WNT3A: variants seen among roughly 807,000 people sequenced by gnomAD.
The protein encoded by WNT3A is protein Wnt-3a.
A neutral mutation model predicts 37.0 loss-of-function variants in WNT3A; 17 were observed. The observed-to-expected ratio is 0.46, with a 90% CI of 0.31 to 0.69. The LOEUF (loss-of-function observed/expected upper bound fraction) is 0.69, where lower values mean the gene tolerates loss of function less well. Ranked by LOEUF, WNT3A falls within the 30% of genes least tolerant of loss-of-function variation. The pLI, the probability that WNT3A is intolerant of heterozygous loss-of-function variation, is 0.05. For synonymous variants in WNT3A, 187 were observed against 211.0 expected, an observed-to-expected ratio of 0.89 and a Z score of 0.99; for missense variants, 411 against 510.2, an observed-to-expected ratio of 0.81 and a Z score of 1.87.
intron 2 of WNT3A, among the ~76,000 whole-genome samples, chr1:228,047,819 C>T (rs889020886): frequency 3.9e-5 from 6 of 151,966 alleles, no homozygotes; most frequent in Non-Finnish European, 5.9e-5. Context: ...GAAGAGGTGC[C>T]ACACACTTTT....
intron 2 of WNT3A, among the ~76,000 whole-genome samples, chr1:228,049,431 C>A (rs1302258780): frequency 1.3e-5 from 2 of 152,236 alleles, no homozygotes; most frequent in Admixed American, 1.3e-4. Context: ...TGCTTTTTAA[C>A]CATCCCTGTT....
chr1:228,038,652 G>T lies in WNT3A; in HGVS notation c.314-12004G>T, dbSNP rs1386366955. On this transcript the variant is annotated intron_variant, in intron 2 of 3. Coordinates refer to ENST00000284523, the MANE Select transcript of WNT3A (RefSeq NM_033131.4). The surrounding 1 kb of genome is among the most constrained non-coding windows in gnomAD (Gnocchi z 5.7). ...GGAGGGAGGGACCCAATGCATTCGG[G>T]GTGGCCACTGTCCCCACAACTCTAT... Among the ~76,000 whole-genome samples, 1 of 152,180 alleles carries T rather than the reference G, an allele frequency of 6.6e-6. No individual in the cohort carries two copies. Among genetic ancestry groups the T allele is most frequent in the Non-Finnish European group, 1.5e-5 (1 of 68,026 alleles).
intron 2 of WNT3A, among the ~76,000 whole-genome samples, chr1:228,034,472 G>T (rs1252554909): frequency 6.6e-6 from 1 of 151,996 alleles, no homozygotes; most frequent in African/African-American, 2.4e-5. Context: ...TAATTGCCCT[G>T]GCCAGAGCCT....
At chr1:228,048,765 C>G (rs983303396) in intron 2 of WNT3A, among the ~76,000 whole-genome samples, 4 of 152,122 alleles carry the variant, frequency 2.6e-5, no homozygotes, top group African/African-American at 9.7e-5. Context: ...GGCCCACCCC[C>G]TCTCCTCATG....
At chr1:228,051,075 C>T (rs995584570) in intron 3 of WNT3A, among the ~76,000 whole-genome samples, 154 bp downstream of exon 3, 4 of 152,124 alleles carry the variant, frequency 2.6e-5, no homozygotes. Context: ...AAGCTTAGCA[C>T]CATCCAGCTA....
At chr1:228,043,900 G>A (rs10916262) in intron 2 of WNT3A, among the ~76,000 whole-genome samples, 12,222 of 152,186 alleles carry the variant, frequency 0.08, 562 homozygotes, top group South Asian at 0.12. Flanking sequence ...ATCTCCTGCC[G>A]CTGTGCCTGC....
rs543194352 is a variant in WNT3A at position 228,032,470 on chromosome 1, C to T, written c.313+9562C>T. Reference sequence around the variant, plus strand: ...GCTGCTTCAAGGAAAGGCCTATGAACGAGTCCTGCTCTGGAGTCCCCAAAT... The same window carrying T: ...GCTGCTTCAAGGAAAGGCCTATGAATGAGTCCTGCTCTGGAGTCCCCAAAT... On this transcript the variant is annotated intron_variant, in intron 2 of 3. Transcript: ENST00000284523. Among the ~76,000 whole-genome samples, 19 of 152,324 alleles carry T rather than the reference C, an allele frequency of 1.2e-4. 1 individual carries two copies. The highest frequency in any genetic ancestry group is 1.2e-3 in the South Asian group (6 of 4,820).
chr1:228,059,422 GC>G lies in WNT3A; in HGVS notation c.1018del (p.Gln340ArgfsTer28), dbSNP rs2124821832. The G allele has an allele frequency of 6.5e-7, 1 of 1,543,416 alleles. No homozygotes were observed. The highest frequency in any genetic ancestry group is 8.7e-7 in the Non-Finnish European group (1 of 1,149,466). On this transcript the variant is annotated frameshift_variant, in exon 4 of 4. Coordinates refer to ENST00000284523, the MANE Select transcript of WNT3A (RefSeq NM_033131.4). LOFTEE classifies it high-confidence loss of function. ...CVFHWCCYVSCQECTRVYDVH... is the reference protein window; with the variant it reads ...CVFHWCCYVSXQECTRVYDVH... ...TTCCACTGGTGCTGCTACGTCAGCTGCCAGGAGTGCACGCGCGTCTACGACG... is the reference window on the plus strand; with the variant it reads ...TTCCACTGGTGCTGCTACGTCAGCTGCAGGAGTGCACGCGCGTCTACGACG...
intron 2 of WNT3A, among the ~76,000 whole-genome samples, chr1:228,030,552 C>T (rs918212269): frequency 1.3e-5 from 2 of 152,158 alleles, no homozygotes; most frequent in African/African-American, 4.8e-5. Context: ...GTGTCCTCGC[C>T]GGGCACTGAA....
intron 1 of WNT3A, among the ~76,000 whole-genome samples, chr1:228,011,068 G>T (rs1181952717): frequency 2.6e-5 from 4 of 152,168 alleles, no homozygotes; most frequent in African/African-American, 7.2e-5. Flanking sequence ...CAGTCCTGGT[G>T]GGCCTCATTG....
At position 228,037,536 on chromosome 1, in the gene WNT3A, C is replaced by CG. The variant is rs1017867673; in HGVS notation, c.314-13118dup. ...CTGTGTGTCCCCTGCCTATGAGGGC[C>CG]GGCACAGGGGTGGGGCCTGCCTGCT... On this transcript the variant is annotated intron_variant, in intron 2 of 3. Coordinates refer to ENST00000284523, the MANE Select transcript of WNT3A (RefSeq NM_033131.4). The surrounding 1 kb of genome is among the most constrained non-coding windows in gnomAD (Gnocchi z 4.1). Among the ~76,000 whole-genome samples, 2 of 152,126 alleles carry CG rather than the reference C, an allele frequency of 1.3e-5. No homozygotes were observed. The highest frequency in any genetic ancestry group is 4.8e-5 in the African/African-American group (2 of 41,440).
rs931917103 is a variant in WNT3A, at chr1:228,039,437, G to A, written c.314-11219G>A. Among the ~76,000 whole-genome samples, 4 of 152,144 alleles carry A rather than the reference G, an allele frequency of 2.6e-5. No homozygotes were observed. Among genetic ancestry groups the A allele is most frequent in the African/African-American group, 9.7e-5 (4 of 41,442 alleles). On this transcript the variant is annotated intron_variant, in intron 2 of 3. Transcript: ENST00000284523. This position sits in a 1 kb window ranked among gnomAD's most constrained non-coding sequence, Gnocchi z 4.1. ...CCCAATGACCACTGTCTACTCATGG[G>A]GGGATGGCCATCAGCATATCAGAGA...
rs1352488738 is a variant in WNT3A, at chr1:228,059,740, G to A, written c.*275G>A. On this transcript the variant is annotated 3_prime_UTR_variant, in exon 4 of 4. Transcript: ENST00000284523. ...TCTGCGTTGGCTTCTCCCTGGGGAC[G>A]GGGCTCCCCTGGACAGAGGCGGGGC... 3.1e-6 allele frequency: 4 copies of A among 1,296,864 alleles called. No individual in the cohort carries two copies. Among genetic ancestry groups the A allele is most frequent in the African/African-American group, 1.6e-5 (1 of 64,412 alleles). The allele number at this position is 1,296,864 out of a possible 1,614,324, so 80.3% of individuals were successfully genotyped here.
chr1:228,032,044 A>T (rs1488310320), intron 2 of WNT3A, among the ~76,000 whole-genome samples: 1 of 152,082 alleles, frequency 6.6e-6, no homozygotes. Flanking sequence ...AAGCCCTGCT[A>T]CCCTCGGGAA....
intron 2 of WNT3A, among the ~76,000 whole-genome samples, chr1:228,044,091 C>T (rs1558292464): frequency 6.6e-6 from 1 of 152,200 alleles, no homozygotes; most frequent in South Asian, 2.1e-4. Flanking sequence ...AAGCAATCCT[C>T]CTGCCTCAGC....
chr1:228,060,552 A>G lies in WNT3A; in HGVS notation c.*1087A>G, dbSNP rs1205546488. 1.1e-5 allele frequency: 3 copies of G among 266,772 alleles called. No homozygotes were observed. Among genetic ancestry groups the G allele is most frequent in the African/African-American group, 6.7e-5 (3 of 44,722 alleles). 16.5% of individuals were successfully genotyped at this position (266,772 alleles called of 1,614,324 possible). A position where few individuals can be genotyped will look rare whatever the true frequency, so the allele number is the denominator to read the frequency against. ...AGAGGCAAGCGACCGAGGCCCTCCC[A>G]AAGAGGCCCGCCCTGCCCGGGCTCC... is the stretch of plus-strand genomic sequence containing the variant. On this transcript the variant is annotated 3_prime_UTR_variant, in exon 4 of 4. Coordinates refer to ENST00000284523, the MANE Select transcript of WNT3A (RefSeq NM_033131.4).
At position 228,039,465 on chromosome 1, in the gene WNT3A, C is replaced by T. The variant is rs1308739233; in HGVS notation, c.314-11191C>T. 6.6e-6 allele frequency among the ~76,000 whole-genome samples: 1 copy of T among 152,206 alleles called. No individual in the cohort carries two copies. The highest frequency in any genetic ancestry group is 1.5e-5 in the Non-Finnish European group (1 of 68,030). ...GATGGCCATCAGCATATCAGAGACA[C>T]CCTCCCAACCCCCTTCTCCTGGCAG... On this transcript the variant is annotated intron_variant, in intron 2 of 3. Coordinates refer to ENST00000284523, the MANE Select transcript of WNT3A (RefSeq NM_033131.4). The surrounding 1 kb of genome is among the most constrained non-coding windows in gnomAD (Gnocchi z 4.1).
At chr1:228,055,172 AAAAAAAAATATATATATATAT>A (rs2031650813) in intron 3 of WNT3A, among the ~76,000 whole-genome samples, 2 of 71,444 alleles carry the variant, frequency 2.8e-5, no homozygotes, top group African/African-American at 1.3e-4. Context: ...AAAAAAAAAA[AAAAAAAAATATATATATATAT>A]ATATATATAT....
intron 2 of WNT3A, among the ~76,000 whole-genome samples, chr1:228,030,163 G>A (rs1165627952): frequency 6.6e-6 from 1 of 152,070 alleles, no homozygotes; most frequent in Non-Finnish European, 1.5e-5. Context: ...GGGAGGCGGA[G>A]GCGGGCAGAT....
Sources: gnomAD v4.1 joint callset for allele counts (sites outside exome capture counted in the v4.1 genomes callset) on GRCh38, gnomAD v4.1.1 for gene constraint, Gnocchi (gnomAD v3.1) non-coding constraint, MANE v1.5 for transcripts, NCBI Gene and HGNC (gene_info 2026-07-23, HGNC 2026-07-21) for gene names.